The following OCA2 variants were observed in gnomAD, a reference collection of about 807,000 sequenced individuals.
OCA2 encodes the protein OCA2 melanosomal transmembrane protein.
In OCA2, 77 loss-of-function variants were observed where a neutral mutation model predicts 100.2. That is an observed-to-expected ratio of 0.77 (90% CI 0.64 to 0.93). The LOEUF (loss-of-function observed/expected upper bound fraction) is 0.93, where lower values mean the gene tolerates loss of function less well. OCA2 is among the 40% of genes least tolerant of loss of function. The pLI is 0.00. For synonymous variants in OCA2, 432 were observed against 439.2 expected (o/e 0.98, Z 0.21); for missense variants, 1,062 against 1,089.1 (o/e 0.98, Z 0.35).
chr15:28,029,667 A>G (rs898019884), intron 3 of OCA2, among the ~76,000 whole-genome samples: 2 of 152,244 alleles, frequency 1.3e-5, no homozygotes, highest in African/African-American at 2.4e-5. Flanking sequence ...GATACAGGGC[A>G]TGCTTTGACC....
intron 21 of OCA2, among the ~76,000 whole-genome samples, chr15:27,866,021 A>C (rs895033229): frequency 1.3e-5 from 2 of 152,190 alleles, no homozygotes; most frequent in African/African-American, 4.8e-5. Flanking sequence ...CAGTGGGAGA[A>C]AACTGTAGAC....
chr15:27,902,676 A>C (rs544981120), intron 19 of OCA2, among the ~76,000 whole-genome samples: 2 of 152,294 alleles, frequency 1.3e-5, no homozygotes, highest in East Asian at 3.9e-4. Context: ...AGCTAGTGTG[A>C]AGTGCCACCA....
Position 27,957,520 on chromosome 15 carries a change from T to C in OCA2, c.1784+68A>G. ...CGTATTAGTATACAGCTAATGTCGC[T>C]ATTTTGTAGGCCCATGGAATGTTCT... On this transcript the variant is annotated intron_variant, in intron 16 of 23. Transcript: ENST00000354638. The surrounding 1 kb of genome is among the most constrained non-coding windows in gnomAD (Gnocchi z 4.3). 1.9e-6 allele frequency: 3 copies of C among 1,573,386 alleles called. No individual in the cohort carries two copies. The East Asian group carries it at 6.7e-5, about 35-fold the overall frequency.
At position 27,889,583 on chromosome 15, in the gene OCA2, G is replaced by A. The variant is rs1249831494; in HGVS notation, c.2080-17661C>T. Among the ~76,000 whole-genome samples the A allele has an allele frequency of 2.6e-5, 4 of 152,190 alleles. 1 individual carries two copies. In the South Asian group the frequency reaches 8.3e-4, roughly 32 times the overall value. ...CCTTCACACTTCTGAGTCACCGTGG[G>A]AAAGTGTATCAGCCAGTGCCCATCC... On this transcript the variant is annotated intron_variant, in intron 19 of 23. Coordinates refer to ENST00000354638, the MANE Select transcript of OCA2 (RefSeq NM_000275.3).
chr15:28,053,545 A>C (rs1207749625), intron 2 of OCA2, among the ~76,000 whole-genome samples: 1 of 152,170 alleles, frequency 6.6e-6, no homozygotes, highest in African/African-American at 2.4e-5. Flanking sequence ...TGCTGGGCAC[A>C]GCTGTTCCAC....
the OCA2 span, among the ~76,000 whole-genome samples, chr15:27,743,526 G>C: frequency 6.6e-6 from 1 of 152,132 alleles, no homozygotes; most frequent in Non-Finnish European, 1.5e-5. Flanking sequence ...TGCCCAGGAA[G>C]CTTATTCCAG....
At chr15:27,977,469 T>C (rs548106794) in intron 14 of OCA2, among the ~76,000 whole-genome samples, 1 of 152,214 alleles carries the variant, frequency 6.6e-6, no homozygotes, top group Non-Finnish European at 1.5e-5. Flanking sequence ...GCTTTCTTGC[T>C]ATATAGTGGT....
chr15:27,854,032 C>T (rs1044849962), intron 21 of OCA2, among the ~76,000 whole-genome samples: 21 of 152,328 alleles, frequency 1.4e-4, no homozygotes, highest in African/African-American at 3.6e-4. Flanking sequence ...AGCTCCTGAC[C>T]GCTGCAGCAG....
intron 12 of OCA2, among the ~76,000 whole-genome samples, chr15:27,986,226 T>C (rs1484726737): frequency 6.6e-6 from 1 of 152,218 alleles, no homozygotes; most frequent in East Asian, 1.9e-4. Flanking sequence ...ATGGAAATTA[T>C]TTCACCAAAA....
intron 2 of OCA2, among the ~76,000 whole-genome samples, chr15:28,066,492 T>C (rs2044028434): frequency 6.6e-6 from 1 of 152,110 alleles, no homozygotes; most frequent in South Asian, 2.1e-4. Context: ...CATTAACATT[T>C]AAAACAGAGA....
At chr15:27,780,194 GA>G (rs563484872) in intron 23 of OCA2, among the ~76,000 whole-genome samples, 191 of 152,266 alleles carry the variant, frequency 1.3e-3, no homozygotes, top group African/African-American at 4.5e-3. Flanking sequence ...GGGCGTAGGT[GA>G]ACTCTGCACT....
chr15:27,890,292 G>A (rs1322843646), intron 19 of OCA2, among the ~76,000 whole-genome samples: 1 of 152,138 alleles, frequency 6.6e-6, no homozygotes, highest in African/African-American at 2.4e-5. Flanking sequence ...AGTACAGTAA[G>A]GAATAAAGGC....
At chr15:27,866,583 G>A (rs1359222166) in intron 21 of OCA2, among the ~76,000 whole-genome samples, 2 of 152,222 alleles carry the variant, frequency 1.3e-5, no homozygotes, top group Non-Finnish European at 2.9e-5. Context: ...GCTAGTGAAT[G>A]AGGCTACAAA....
intron 14 of OCA2, among the ~76,000 whole-genome samples, chr15:27,982,684 ACAT>A (rs1364052144): frequency 3.3e-5 from 5 of 152,204 alleles, no homozygotes; most frequent in Non-Finnish European, 7.3e-5. Flanking sequence ...ACACACAAAC[ACAT>A]CATCTACAAG....
chr15:28,062,338 A>C (rs923715965), intron 2 of OCA2, among the ~76,000 whole-genome samples: 1 of 152,214 alleles, frequency 6.6e-6, no homozygotes, highest in Admixed American at 6.5e-5. Context: ...GCATCTTTTC[A>C]GTTGCTTACA....
At chr15:27,742,269 T>C in the OCA2 span, among the ~76,000 whole-genome samples, 5 of 152,158 alleles carry the variant, frequency 3.3e-5, no homozygotes, top group Admixed American at 1.3e-4. Flanking sequence ...TGGCTGCAGA[T>C]TGCAAGTTAA....
rs899500978 is a variant in OCA2 at position 27,755,308 on chromosome 15, T to TG, written c.*79dup. The TG allele has an allele frequency of 3.0e-5, 31 of 1,017,960 alleles. No individual in the cohort carries two copies. The African/African-American group carries it at 4.4e-4, about 14-fold the overall frequency. The allele number at this position is 1,017,960 out of a possible 1,614,324, so 63.1% of individuals were successfully genotyped here. On this transcript the variant is annotated 3_prime_UTR_variant, in exon 24 of 24. Transcript: ENST00000354638. ...TAAGCACCTTTTCTTCTTCAAACAGTGGGGTCAGGGTAGTTTTATGACTAA... is the reference window on the plus strand; with the variant it reads ...TAAGCACCTTTTCTTCTTCAAACAGTGGGGGTCAGGGTAGTTTTATGACTAA...
intron 2 of OCA2, among the ~76,000 whole-genome samples, chr15:28,081,445 T>C (rs1411919985): frequency 1.3e-5 from 2 of 152,216 alleles, no homozygotes; most frequent in African/African-American, 4.8e-5. Flanking sequence ...TCTATTTTTA[T>C]TATCTTTTGG....
chr15:28,060,266 C>A (rs914689080), intron 2 of OCA2, among the ~76,000 whole-genome samples: 1 of 152,240 alleles, frequency 6.6e-6, no homozygotes, highest in Non-Finnish European at 1.5e-5. Flanking sequence ...AAGGCCTGCA[C>A]GCCCTCTAGC....
Sources: allele counts gnomAD v4.1 joint callset (sites outside exome capture counted in the v4.1 genomes callset), GRCh38; gene constraint gnomAD v4.1.1; non-coding constraint Gnocchi (gnomAD v3.1); transcripts MANE v1.5; gene names NCBI Gene and HGNC (gene_info 2026-07-23, HGNC 2026-07-21).